The following MSI2 variants were observed in gnomAD, a reference collection of about 807,000 sequenced individuals.
MSI2 encodes the protein musashi RNA binding protein 2.
In MSI2, 17 loss-of-function variants were observed where a neutral mutation model predicts 45.6. The ratio of observed to expected loss-of-function variants is 0.37; its 90% confidence interval spans 0.26 to 0.56. The LOEUF (loss-of-function observed/expected upper bound fraction) is 0.56. MSI2 is among the 20% of genes least tolerant of loss of function. The pLI, the probability that MSI2 is intolerant of heterozygous loss-of-function variation, is 0.77. For missense variants in MSI2, 293 were observed against 444.2 expected, an observed-to-expected ratio of 0.66 and a Z score of 3.06; for synonymous variants, 156 against 158.2, an observed-to-expected ratio of 0.99 and a Z score of 0.11.
chr17:57,292,449 C>G (rs1910506409), intron 5 of MSI2, among the ~76,000 whole-genome samples: 1 of 152,128 alleles, frequency 6.6e-6, no homozygotes. Flanking sequence ...GCAAACTCTC[C>G]CATGTGCCTT....
At chr17:57,587,564 C>G (rs1476577444) in intron 7 of MSI2, among the ~76,000 whole-genome samples, 1 of 140,628 alleles carries the variant, frequency 7.1e-6, no homozygotes, top group Non-Finnish European at 1.6e-5. Flanking sequence ...CCAACTCCCC[C>G]CAGCCCCAAA....
At chr17:57,637,319 G>A (rs949673547) in intron 10 of MSI2, among the ~76,000 whole-genome samples, 12 of 152,218 alleles carry the variant, frequency 7.9e-5, no homozygotes, top group African/African-American at 2.7e-4. Flanking sequence ...GGCTCGTCGG[G>A]GCTGTGGATA....
chr17:57,443,277 C>T (rs1005037255), intron 6 of MSI2, among the ~76,000 whole-genome samples: 3 of 152,158 alleles, frequency 2.0e-5, no homozygotes, highest in African/African-American at 4.8e-5. Flanking sequence ...TCTTCTCGTT[C>T]TCCAACCACC....
chr17:57,525,923 G>A (rs527953859), intron 6 of MSI2, among the ~76,000 whole-genome samples: 136 of 152,224 alleles, frequency 8.9e-4, no homozygotes, highest in Non-Finnish European at 1.5e-3. Context: ...TTTCATAAGG[G>A]GTTAGAGAAA....
chr17:57,533,705 G>A (rs1231144449), intron 7 of MSI2, among the ~76,000 whole-genome samples: 1 of 152,212 alleles, frequency 6.6e-6, no homozygotes. Context: ...GGCAGAGGGA[G>A]AAGCTGACTT....
intron 6 of MSI2, among the ~76,000 whole-genome samples, chr17:57,457,730 ACAAATAAAATAAAAT>A (rs1444849974): frequency 6.6e-6 from 1 of 152,076 alleles, no homozygotes. Context: ...CTCTATCTCT[ACAAATAAAATAAAAT>A]CAAATAAAAT....
intron 5 of MSI2, among the ~76,000 whole-genome samples, chr17:57,395,848 C>T (rs1249809083): frequency 1.3e-5 from 2 of 152,182 alleles, no homozygotes; most frequent in Non-Finnish European, 2.9e-5. Context: ...CTTGTCTGAG[C>T]CTGGGAAAGC....
intron 6 of MSI2, among the ~76,000 whole-genome samples, chr17:57,486,626 C>A (rs527363074): frequency 6.6e-6 from 1 of 152,280 alleles, no homozygotes; most frequent in East Asian, 1.9e-4. Flanking sequence ...GGTGGTCAGG[C>A]TTCTTGTTTT....
intron 7 of MSI2, among the ~76,000 whole-genome samples, chr17:57,567,115 C>G (rs895914225): frequency 6.6e-6 from 1 of 152,108 alleles, no homozygotes; most frequent in African/African-American, 2.4e-5. Flanking sequence ...CATTCTGTCC[C>G]GCAGACAGGC....
chr17:57,460,499 A>C (rs1228697277), intron 6 of MSI2, among the ~76,000 whole-genome samples: 1 of 152,130 alleles, frequency 6.6e-6, no homozygotes, highest in Non-Finnish European at 1.5e-5. Context: ...AAAGAGAAGA[A>C]AAGAAAAAGA....
chr17:57,529,707 C>A lies in MSI2; in HGVS notation c.437C>A (p.Thr146Asn). ...VEDAMLMFDKTTNRHRGFGFV... is the reference protein window; with the variant it reads ...VEDAMLMFDKNTNRHRGFGFV... ...GATGCAATGCTGATGTTTGATAAAA[C>A]TACCAACAGGCACAGAGGTAAGATT... Residue 146 changes from threonine to asparagine, a missense_variant, in exon 7 of 14, where the codon ACT becomes AAT. Physicochemically the swap from Thr to Asn is moderately conservative, Grantham distance 65. Transcript: ENST00000284073. This position sits in a 1 kb window ranked among gnomAD's most constrained non-coding sequence, Gnocchi z 5.3. 6.2e-7 allele frequency: 1 copy of A among 1,613,262 alleles called. No homozygotes were observed. Among genetic ancestry groups the A allele is most frequent in the South Asian group, 1.1e-5 (1 of 90,894 alleles).
chr17:57,599,372 G>A (rs901714276), intron 8 of MSI2, among the ~76,000 whole-genome samples: 1 of 152,214 alleles, frequency 6.6e-6, no homozygotes, highest in Non-Finnish European at 1.5e-5. Flanking sequence ...TATATAGACA[G>A]TTGTTGGAGC....
chr17:57,425,960 T>C (rs1040531789), intron 6 of MSI2, among the ~76,000 whole-genome samples: 6 of 152,254 alleles, frequency 3.9e-5, no homozygotes, highest in Non-Finnish European at 7.3e-5. Flanking sequence ...AAATTTGTCA[T>C]ATGGAACATT....
chr17:57,683,493 A>G lies in MSI2; in HGVS notation c.*3976A>G, dbSNP rs551212851. The stretch of plus-strand genomic sequence containing the variant: ...CTTCATTCTGCCATTCACTCACTGC[A>G]GCATATTCAAGAATAAAGCAATATC... On this transcript the variant is annotated 3_prime_UTR_variant, in exon 14 of 14. Coordinates refer to ENST00000284073, the MANE Select transcript of MSI2 (RefSeq NM_138962.4). This position sits in a 1 kb window ranked among gnomAD's most constrained non-coding sequence, Gnocchi z 5.2. 4.4e-4 allele frequency: 102 copies of G among 229,844 alleles called. No homozygotes were observed. The highest frequency in any genetic ancestry group is 7.2e-4 in the Non-Finnish European group (84 of 116,020). The allele number at this position is 229,844 out of a possible 1,614,324, so 14.2% of individuals were successfully genotyped here.
At chr17:57,353,980 A>G (rs1457911048) in intron 5 of MSI2, among the ~76,000 whole-genome samples, 1 of 152,168 alleles carries the variant, frequency 6.6e-6, no homozygotes, top group Non-Finnish European at 1.5e-5. Flanking sequence ...GAGAGAAAAC[A>G]TTTACGGAGA....
intron 7 of MSI2, among the ~76,000 whole-genome samples, chr17:57,586,197 T>C (rs1323457874): frequency 1.3e-5 from 2 of 152,366 alleles, no homozygotes; most frequent in South Asian, 2.1e-4. Flanking sequence ...TGGGGTTGTC[T>C]GGCCTGGATC....
At chr17:57,341,832 C>T (rs909934533) in intron 5 of MSI2, among the ~76,000 whole-genome samples, 3 of 152,316 alleles carry the variant, frequency 2.0e-5, no homozygotes, top group African/African-American at 7.2e-5. Context: ...TTGAAGACCT[C>T]CAGGGATTTG....
At chr17:57,350,934 G>A (rs1208066259) in intron 5 of MSI2, among the ~76,000 whole-genome samples, 1 of 152,114 alleles carries the variant, frequency 6.6e-6, no homozygotes, top group Non-Finnish European at 1.5e-5. Context: ...CAGCAAGGAA[G>A]GATGAAGCTC....
intron 10 of MSI2, among the ~76,000 whole-genome samples, chr17:57,648,591 AC>A (rs775385820): frequency 6.7e-6 from 1 of 150,162 alleles, no homozygotes; most frequent in Non-Finnish European, 1.5e-5. Context: ...TTGAGGAGGG[AC>A]CCCCCCACCA....
Sources: gnomAD v4.1 joint callset for allele counts (sites outside exome capture counted in the v4.1 genomes callset) on GRCh38, gnomAD v4.1.1 for gene constraint, Gnocchi (gnomAD v3.1) non-coding constraint, MANE v1.5 for transcripts, NCBI Gene and HGNC (gene_info 2026-07-23, HGNC 2026-07-21) for gene names.